Variants in PLCB4 observed in about 807,000 individuals in gnomAD.
The protein encoded by PLCB4 is 1-phosphatidylinositol 4,5-bisphosphate phosphodiesterase beta-4.
A neutral mutation model predicts 178.8 loss-of-function variants in PLCB4; 77 were observed. The observed-to-expected ratio is 0.43, with a 90% CI of 0.36 to 0.52. The LOEUF (loss-of-function observed/expected upper bound fraction) is 0.52. Among genes scored for constraint, PLCB4 ranks in the 20% least tolerant of loss-of-function variants. The pLI is 0.00. For missense variants in PLCB4, 1,024 were observed against 1,453.4 expected, an observed-to-expected ratio of 0.70 and a Z score of 4.80; for synonymous variants, 496 against 490.8, an observed-to-expected ratio of 1.01 and a Z score of -0.14.
At chr20:9,398,207 G>A (rs75393452) in intron 19 of PLCB4, among the ~76,000 whole-genome samples, 4,159 of 152,250 alleles carry the variant, frequency 0.027, 83 homozygotes, top group Non-Finnish European at 0.037. Context: ...CTTCCTCTAT[G>A]TTTTATTCAT....
intron 25 of PLCB4, among the ~76,000 whole-genome samples, chr20:9,416,512 G>A (rs2040258187): frequency 6.6e-6 from 1 of 152,178 alleles, no homozygotes; most frequent in Admixed American, 6.5e-5. Flanking sequence ...CTCACAGTCT[G>A]TGTCGGTTTT....
rs535991248 is a variant in PLCB4, at chr20:9,222,628, A to G, written c.-16+5176A>G. 6.6e-5 allele frequency among the ~76,000 whole-genome samples: 10 copies of G among 152,364 alleles called. No homozygotes were observed. The East Asian group carries it at 1.9e-3, about 29-fold the overall frequency. Reference sequence around the variant, plus strand: ...TTTAGTTACATATTTAACTTAGCATATCCAAATAATTATTTCAACATTTAA... The same window carrying G: ...TTTAGTTACATATTTAACTTAGCATGTCCAAATAATTATTTCAACATTTAA... On this transcript the variant is annotated intron_variant, in intron 3 of 39. Transcript: ENST00000378473.
Position 9,365,548 on chromosome 20 carries a change from C to T in PLCB4, c.503+34C>T, listed in dbSNP as rs756116256. 12 of 1,340,336 alleles carry T rather than the reference C, an allele frequency of 9.0e-6. No homozygotes were observed. In the East Asian group the frequency reaches 9.2e-5, roughly 10 times the overall value. 83.0% of individuals were successfully genotyped at this position (1,340,336 alleles called of 1,614,324 possible). A position where few individuals can be genotyped will look rare whatever the true frequency, so the allele number is the denominator to read the frequency against. ...TCATTCCTATCTGCTGTCCGTGTCC[C>T]GGGTCAACGCTTGTCATCCCAAACC... is the stretch of plus-strand genomic sequence containing the variant. On this transcript the variant is annotated intron_variant, in intron 9 of 39. Coordinates refer to ENST00000378473, the MANE Select transcript of PLCB4 (RefSeq NM_001377142.1).
intron 3 of PLCB4, among the ~76,000 whole-genome samples, chr20:9,224,980 T>C (rs1041687750): frequency 2.0e-5 from 3 of 152,178 alleles, no homozygotes; most frequent in Admixed American, 2.0e-4. Context: ...AGTCATACTT[T>C]CAACTGGAAA....
chr20:9,253,796 G>C (rs1282681395), intron 3 of PLCB4, among the ~76,000 whole-genome samples: 1 of 152,132 alleles, frequency 6.6e-6, no homozygotes, highest in Non-Finnish European at 1.5e-5. Context: ...GATTTAGAAG[G>C]TGCACATACC....
intron 35 of PLCB4, among the ~76,000 whole-genome samples, chr20:9,461,455 T>C (rs918221627): frequency 6.6e-6 from 1 of 152,152 alleles, no homozygotes; most frequent in African/African-American, 2.4e-5. Flanking sequence ...GGGTGGGGTG[T>C]CACCTCACCC....
At chr20:9,403,421 G>A (rs1306056015) in intron 20 of PLCB4, among the ~76,000 whole-genome samples, 1 of 152,116 alleles carries the variant, frequency 6.6e-6, no homozygotes, top group Admixed American at 6.5e-5. Flanking sequence ...AAAGAGAACA[G>A]TGTTAACAGA....
intron 3 of PLCB4, among the ~76,000 whole-genome samples, chr20:9,279,304 G>C (rs1311869230): frequency 6.6e-6 from 1 of 152,042 alleles, no homozygotes; most frequent in African/African-American, 2.4e-5. Context: ...TCATGCAGCT[G>C]AAACTTCTTT....
At chr20:9,161,648 G>C (rs1445545908) in intron 2 of PLCB4, among the ~76,000 whole-genome samples, 2 of 152,188 alleles carry the variant, frequency 1.3e-5, no homozygotes, top group African/African-American at 2.4e-5. Flanking sequence ...CAAAAGTGAA[G>C]CTATGTCTTC....
intron 2 of PLCB4, among the ~76,000 whole-genome samples, chr20:9,149,329 A>T (rs2092651879): frequency 6.6e-6 from 1 of 152,128 alleles, no homozygotes; most frequent in Non-Finnish European, 1.5e-5. Context: ...GTTAGGGAAG[A>T]TAGCAGCTCT....
chr20:9,106,953 A>G (rs908772419), intron 2 of PLCB4, among the ~76,000 whole-genome samples: 1 of 152,168 alleles, frequency 6.6e-6, no homozygotes, highest in Non-Finnish European at 1.5e-5. Context: ...GTGGAATACT[A>G]TGCGGTCATT....
chr20:9,148,015 A>G (rs1224773872), intron 2 of PLCB4, among the ~76,000 whole-genome samples: 1 of 152,180 alleles, frequency 6.6e-6, no homozygotes, highest in Non-Finnish European at 1.5e-5. Context: ...AGCCTCACAA[A>G]TAGATGTCTG....
At chr20:9,308,651 G>C (rs2094797472) in intron 4 of PLCB4, among the ~76,000 whole-genome samples, 1 of 152,176 alleles carries the variant, frequency 6.6e-6, no homozygotes, top group Non-Finnish European at 1.5e-5. Context: ...AATGTATGAA[G>C]TGGCTAATTC....
intron 3 of PLCB4, among the ~76,000 whole-genome samples, chr20:9,242,731 A>G (rs1226039228): frequency 2.0e-5 from 3 of 152,146 alleles, no homozygotes; most frequent in African/African-American, 7.2e-5. Context: ...AGTGGTTTTC[A>G]AAGTGTGGAC....
rs538725365 is a variant in PLCB4 at position 9,154,303 on chromosome 20, G to A, written c.-79+57961G>A. On this transcript the variant is annotated intron_variant, in intron 2 of 39. Coordinates refer to ENST00000378473, the MANE Select transcript of PLCB4 (RefSeq NM_001377142.1). Reference sequence around the variant, plus strand: ...CACATCTCAGTGCAGGAGAGCCTGGGAAATGTAGTCTTGTTTTGGGCAACT... The same window carrying A: ...CACATCTCAGTGCAGGAGAGCCTGGAAAATGTAGTCTTGTTTTGGGCAACT... 8.5e-5 allele frequency among the ~76,000 whole-genome samples: 13 copies of A among 152,312 alleles called. No individual in the cohort carries two copies. In the South Asian group the frequency reaches 2.7e-3, roughly 32 times the overall value.
At chr20:9,296,686 G>T (rs9753622) in intron 3 of PLCB4, among the ~76,000 whole-genome samples, 14 of 151,910 alleles carry the variant, frequency 9.2e-5, no homozygotes, top group South Asian at 2.1e-4. Context: ...CCATAAAAAA[G>T]GATGAGTTCA....
At chr20:9,175,647 T>A (rs893759425) in intron 2 of PLCB4, among the ~76,000 whole-genome samples, 2 of 152,110 alleles carry the variant, frequency 1.3e-5, no homozygotes, top group African/African-American at 4.8e-5. Context: ...ATAAGTGATA[T>A]GATATCAACT....
chr20:9,432,988 C>G (rs906788256), intron 28 of PLCB4, among the ~76,000 whole-genome samples: 2 of 152,114 alleles, frequency 1.3e-5, no homozygotes, highest in Non-Finnish European at 2.9e-5. Context: ...CCATGAGAAT[C>G]ACCGAATTGT....
At chr20:9,347,271 G>C (rs546066118) in intron 7 of PLCB4, among the ~76,000 whole-genome samples, 1 of 152,166 alleles carries the variant, frequency 6.6e-6, no homozygotes, top group Non-Finnish European at 1.5e-5. Flanking sequence ...ACATGGGCCT[G>C]AGGTTTCTAG....
Sources: allele counts gnomAD v4.1 joint callset (sites outside exome capture counted in the v4.1 genomes callset), GRCh38; gene constraint gnomAD v4.1.1; transcripts MANE v1.5; gene names NCBI Gene and HGNC (gene_info 2026-07-23, HGNC 2026-07-21).